CFAP20DC: variants seen among roughly 807,000 people sequenced by gnomAD.
The protein encoded by CFAP20DC is CFAP20 domain containing.
In CFAP20DC, 84 loss-of-function variants were observed where a neutral mutation model predicts 101.7. The ratio of observed to expected loss-of-function variants is 0.83; its 90% CI spans 0.69 to 0.99. The LOEUF (loss-of-function observed/expected upper bound fraction) is 0.99. Ranked by LOEUF, CFAP20DC falls within the 50% of genes least tolerant of loss-of-function variation. CFAP20DC has a pLI of 0.00. For synonymous variants in CFAP20DC, 359 were observed against 351.2 expected, an observed-to-expected ratio of 1.02 and a Z score of -0.25; for missense variants, 1,007 against 970.3, an observed-to-expected ratio of 1.04 and a Z score of -0.50.
rs1189661339 is a variant in CFAP20DC, at chr3:58,795,845, C to A, written c.2237+10550G>T. Among the ~76,000 whole-genome samples the A allele has an allele frequency of 6.6e-6, 1 of 152,150 alleles. No individual in the cohort carries two copies. Among genetic ancestry groups the A allele is most frequent in the African/African-American group, 2.4e-5 (1 of 41,410 alleles). On this transcript the variant is annotated intron_variant, in intron 15 of 16. Transcript: ENST00000482387. The surrounding 1 kb of genome is among the most constrained non-coding windows in gnomAD (Gnocchi z 4.2). ...TTCCCAGTCTTAATGCCTTTAGACTCTCACAGAGTACAAAGGGAAAACTAG... is the reference window on the plus strand; with the variant it reads ...TTCCCAGTCTTAATGCCTTTAGACTATCACAGAGTACAAAGGGAAAACTAG...
intron 13 of CFAP20DC, 25 bp from the exon 14 acceptor site, chr3:58,831,914 A>G: frequency 6.2e-7 from 1 of 1,603,634 alleles, no homozygotes; most frequent in South Asian, 1.1e-5. Context: ...GGAAAATAAC[A>G]AAGGGTCATT....
At position 58,808,088 on chromosome 3, in the gene CFAP20DC, T is replaced by C. The variant is rs558370902; in HGVS notation, c.2176-1632A>G. 6.0e-4 allele frequency among the ~76,000 whole-genome samples: 92 copies of C among 152,296 alleles called. 1 individual carries two copies. The highest frequency in any genetic ancestry group is 2.0e-3 in the African/African-American group (83 of 41,566). ...GTGAAAAGACCAAATCTATGTATGA[T>C]TGGTGTACTTGAAAGTGACAGGGAG... On this transcript the variant is annotated intron_variant, in intron 14 of 16. Transcript: ENST00000482387.
chr3:58,839,283 C>T (rs989893366), intron 13 of CFAP20DC, among the ~76,000 whole-genome samples: 3 of 152,126 alleles, frequency 2.0e-5, no homozygotes, highest in Non-Finnish European at 2.9e-5. Context: ...CTTTTCTGTC[C>T]CTAACTCCTG....
chr3:58,920,072 C>CTTTTTTTTT (rs71091396), intron 5 of CFAP20DC, among the ~76,000 whole-genome samples: 2 of 46,788 alleles, frequency 4.3e-5, no homozygotes, highest in African/African-American at 8.5e-5. Flanking sequence ...GGTGGATATT[C>CTTTTTTTTT]TTTTTTTTTT....
chr3:58,762,139 T>A (rs1208899567), intron 15 of CFAP20DC, among the ~76,000 whole-genome samples: 1 of 152,200 alleles, frequency 6.6e-6, no homozygotes, highest in Non-Finnish European at 1.5e-5. Flanking sequence ...CAGTGGGGTG[T>A]TAAAGTCTCC....
intron 14 of CFAP20DC, 133 bp from the exon 15 acceptor site, chr3:58,806,589 C>T (rs1170506931): frequency 4.3e-6 from 3 of 695,312 alleles, no homozygotes; most frequent in Middle Eastern, 2.4e-4. Flanking sequence ...GGAGGGCAGC[C>T]AAGACGGCCG....
rs939573119 is a variant in CFAP20DC at position 58,831,685 on chromosome 3, C to CG, written c.2175dup (p.Val727CysfsTer18). The CG allele has an allele frequency of 6.2e-7, 1 of 1,613,184 alleles. No individual in the cohort carries two copies. The highest frequency in any genetic ancestry group is 1.3e-5 in the African/African-American group (1 of 74,900). ...AGGAAGCTGCAAAGCCAGGGACTCA[C>CG]GGGTGGCAGGCAGGAGTTCCAGGTG... On this transcript the variant is annotated frameshift_variant and splice_region_variant. Transcript: ENST00000482387. LOFTEE classifies it high-confidence loss of function.
intron 4 of CFAP20DC, among the ~76,000 whole-genome samples, chr3:58,999,055 G>T (rs1266625118): frequency 6.6e-6 from 1 of 152,200 alleles, no homozygotes; most frequent in African/African-American, 2.4e-5. Context: ...TTTATTAGCA[G>T]ACAGACATGA....
intron 4 of CFAP20DC, among the ~76,000 whole-genome samples, chr3:58,997,017 T>C (rs2093158101): frequency 6.6e-6 from 1 of 152,314 alleles, no homozygotes; most frequent in East Asian, 1.9e-4. Context: ...ACTCTGGCCT[T>C]GTGGAGGATT....
Position 58,869,801 on chromosome 3 carries a change from A to C in CFAP20DC, c.853-311T>G, listed in dbSNP as rs144979929. Among the ~76,000 whole-genome samples, 14 of 152,334 alleles carry C rather than the reference A, an allele frequency of 9.2e-5. 1 individual carries two copies. In the East Asian group the frequency reaches 2.7e-3, roughly 29 times the overall value. On this transcript the variant is annotated intron_variant, in intron 8 of 16. Transcript: ENST00000482387. The surrounding 1 kb of genome is among the most constrained non-coding windows in gnomAD (Gnocchi z 4.3). Reference sequence around the variant, plus strand: ...CGCGTATGTCAGAAATTCGGAGGAAATTAAAAATAAAAAACCTAACATTTG... The same window carrying C: ...CGCGTATGTCAGAAATTCGGAGGAACTTAAAAATAAAAAACCTAACATTTG...
At chr3:58,935,138 C>G (rs1268767382) in intron 5 of CFAP20DC, among the ~76,000 whole-genome samples, 1 of 152,176 alleles carries the variant, frequency 6.6e-6, no homozygotes, top group African/African-American at 2.4e-5. Flanking sequence ...AACAGACAAT[C>G]AGAGAGCCAA....
chr3:58,755,565 T>TG (rs1420311621), intron 15 of CFAP20DC, among the ~76,000 whole-genome samples: 2 of 152,100 alleles, frequency 1.3e-5, no homozygotes, highest in Non-Finnish European at 2.9e-5. Context: ...AAAGTGTAGG[T>TG]GGGAGTTGTG....
chr3:58,920,053 AGT>A (rs1310273056), intron 5 of CFAP20DC, among the ~76,000 whole-genome samples: 1 of 149,174 alleles, frequency 6.7e-6, no homozygotes, highest in Non-Finnish European at 1.5e-5. Flanking sequence ...GCTGAATACA[AGT>A]GGTTAGGGTG....
At chr3:58,818,983 A>G (rs980443844) in intron 14 of CFAP20DC, among the ~76,000 whole-genome samples, 13 of 151,086 alleles carry the variant, frequency 8.6e-5, no homozygotes, top group African/African-American at 3.2e-4. Context: ...CAGGATTAAG[A>G]ATCTCACTCA....
Position 59,049,719 on chromosome 3 carries a change from G to A in CFAP20DC, c.-88C>T. On this transcript the variant is annotated 5_prime_UTR_variant, in exon 1 of 17. Transcript: ENST00000482387. ...CCTGACGGCTGGAAATCGGCTGGCG[G>A]GAACCCAGGAGCCCGACGGGTGGGA... The A allele has an allele frequency of 6.7e-7, 1 of 1,486,122 alleles. No individual in the cohort carries two copies. The highest frequency in any genetic ancestry group is 1.3e-5 in the South Asian group (1 of 79,188). The allele number at this position is 1,486,122 out of a possible 1,614,324, so 92.1% of individuals were successfully genotyped here. A position where few individuals can be genotyped will look rare whatever the true frequency, so the allele number is the denominator to read the frequency against.
intron 15 of CFAP20DC, among the ~76,000 whole-genome samples, chr3:58,780,675 A>C (rs2071749059): frequency 6.6e-6 from 1 of 152,040 alleles, no homozygotes; most frequent in Non-Finnish European, 1.5e-5. Flanking sequence ...TTTAAGATAA[A>C]AACACTAAAA....
chr3:58,924,115 T>A (rs527809787), intron 5 of CFAP20DC, among the ~76,000 whole-genome samples: 1 of 152,268 alleles, frequency 6.6e-6, no homozygotes, highest in East Asian at 1.9e-4. Context: ...GGGGTACACA[T>A]CCAGATTTGT....
intron 5 of CFAP20DC, among the ~76,000 whole-genome samples, chr3:58,920,741 T>A (rs2085274012): frequency 6.6e-6 from 1 of 152,222 alleles, no homozygotes; most frequent in Non-Finnish European, 1.5e-5. Flanking sequence ...GATACTGATT[T>A]ATAGCTCTTT....
chr3:58,904,081 T>C (rs896337666), intron 6 of CFAP20DC, among the ~76,000 whole-genome samples: 1 of 152,216 alleles, frequency 6.6e-6, no homozygotes, highest in African/African-American at 2.4e-5. Flanking sequence ...AATCTGTATC[T>C]CAACAATATT....
Sources: allele counts gnomAD v4.1 joint callset (sites outside exome capture counted in the v4.1 genomes callset), GRCh38; gene constraint gnomAD v4.1.1; non-coding constraint Gnocchi (gnomAD v3.1); transcripts MANE v1.5; gene names NCBI Gene and HGNC (gene_info 2026-07-23, HGNC 2026-07-21).